The following SH2B3 variants were observed in gnomAD, a reference collection of about 807,000 sequenced individuals.
The protein encoded by SH2B3 is SH2B adaptor protein 3, also known as SH2B adapter protein 3.
Under a neutral mutation model 51.9 loss-of-function variants are expected in SH2B3, and 43 were observed. That is an observed-to-expected ratio of 0.83 (90% confidence interval 0.65 to 1.07). The LOEUF (loss-of-function observed/expected upper bound fraction) is 1.07, where lower values mean the gene tolerates loss of function less well. Ranked by LOEUF, SH2B3 falls within the 50% of genes least tolerant of loss-of-function variation. SH2B3 has a pLI of 0.00. For synonymous variants in SH2B3, 396 were observed against 376.0 expected (o/e 1.05, Z -0.62); for missense variants, 952 against 834.3 (o/e 1.14, Z -1.74).
intron 2 of SH2B3, among the ~76,000 whole-genome samples, chr12:111,423,765 G>A (rs1871757037): frequency 1.3e-5 from 2 of 152,370 alleles, no homozygotes; most frequent in South Asian, 4.1e-4. Context: ...GATTACCTGA[G>A]ATTGGGAGTT....
intron 2 of SH2B3, among the ~76,000 whole-genome samples, chr12:111,437,498 CAGGG>C (rs1219342672): frequency 6.6e-6 from 1 of 152,140 alleles, no homozygotes; most frequent in African/African-American, 2.4e-5. Context: ...ACTGGGCATT[CAGGG>C]CAGCAGGCAG....
chr12:111,441,568 C>T (rs1264454241), intron 2 of SH2B3, among the ~76,000 whole-genome samples: 1 of 152,058 alleles, frequency 6.6e-6, no homozygotes, highest in Non-Finnish European at 1.5e-5. Context: ...TGATGCTGCC[C>T]ACCCCAGAGA....
intron 2 of SH2B3, among the ~76,000 whole-genome samples, chr12:111,444,484 G>C (rs1253494504): frequency 2.6e-5 from 4 of 152,224 alleles, no homozygotes; most frequent in African/African-American, 9.6e-5. Flanking sequence ...ACAGTCTACT[G>C]TTCAAACCAC....
In SH2B3 at chr12:111,429,624, G is replaced by A. The variant is rs923503378; in HGVS notation, c.732+10747G>A. Among the ~76,000 whole-genome samples, 1 of 152,174 alleles carries A rather than the reference G, an allele frequency of 6.6e-6. No individual in the cohort carries two copies. Among genetic ancestry groups the A allele is most frequent in the Non-Finnish European group, 1.5e-5 (1 of 68,030 alleles). On this transcript the variant is annotated intron_variant, in intron 2 of 7. Transcript: ENST00000341259. This position sits in a 1 kb window ranked among gnomAD's most constrained non-coding sequence, Gnocchi z 4.4. ...GCTAGGATTACAGGCGTGAGCTACCGCGCCCGGCCCATTTTTATTAATTGG... is the reference window on the plus strand; with the variant it reads ...GCTAGGATTACAGGCGTGAGCTACCACGCCCGGCCCATTTTTATTAATTGG...
In SH2B3 at chr12:111,406,708, C is replaced by G. The variant is rs529952782; in HGVS notation, c.-28+431C>G. On this transcript the variant is annotated intron_variant, in intron 1 of 7. Transcript: ENST00000341259. This position sits in a 1 kb window ranked among gnomAD's most constrained non-coding sequence, Gnocchi z 5.7. ...GATGAGCCCTTGGGTGTGGGGGCAG[C>G]GGGGGAGGATGCGCCGGCCCCTCCC... Among the ~76,000 whole-genome samples, 1 of 152,158 alleles carries G rather than the reference C, an allele frequency of 6.6e-6. No homozygotes were observed. Among genetic ancestry groups the G allele is most frequent in the South Asian group, 2.1e-4 (1 of 4,832 alleles).
rs1246806620 is a variant in SH2B3 at position 111,448,246 on chromosome 12, G to T, written c.1672G>T (p.Asp558Tyr). The T allele has an allele frequency of 6.2e-7, 1 of 1,614,134 alleles. No individual in the cohort carries two copies. The highest frequency in any genetic ancestry group is 1.3e-5 in the African/African-American group (1 of 75,034). ...NRARDSDYEMDSSSRSHLRAI... is the reference protein window; with the variant it reads ...NRARDSDYEMYSSSRSHLRAI... ...AGCCCGGGACTCGGACTACGAAATG[G>T]ACTCATCCTCCCGGAGCCACCTGCG... Residue 558 changes from aspartate to tyrosine, a missense_variant, in exon 8 of 8, where the codon GAC (aspartate) becomes TAC (tyrosine). Physicochemically the swap from Asp to Tyr is radical, Grantham distance 160. Transcript: ENST00000341259.
At chr12:111,412,375 A>T (rs567358138) in intron 1 of SH2B3, among the ~76,000 whole-genome samples, 434 of 152,286 alleles carry the variant, frequency 2.8e-3, no homozygotes, top group Non-Finnish European at 4.1e-3. Context: ...CAGCCTGAGC[A>T]GCCGCCTCTC....
chr12:111,429,030 GGAGGAGGAGGAGGAGGAA>G lies in SH2B3; in HGVS notation c.732+10171_732+10188del, dbSNP rs1172150649. On this transcript the variant is annotated intron_variant, in intron 2 of 7. Transcript: ENST00000341259. The surrounding 1 kb of genome is among the most constrained non-coding windows in gnomAD (Gnocchi z 4.4). Reference sequence around the variant, plus strand: ...GGCAGGAGTGCGAGGAGGAGGAGGAGGAGGAGGAGGAGGAGGAAGAGGAGGAGGAGGAGGAGGAGGGAC... The same window carrying G: ...GGCAGGAGTGCGAGGAGGAGGAGGAGGAGGAGGAGGAGGAGGAGGAGGGAC... 1.5e-4 allele frequency among the ~76,000 whole-genome samples: 22 copies of G among 148,204 alleles called. No homozygotes were observed. Among genetic ancestry groups the G allele is most frequent in the African/African-American group, 2.7e-4 (11 of 41,212 alleles).
Position 111,405,929 on chromosome 12 carries a change from C to CG in SH2B3, c.-374dup, listed in dbSNP as rs1870202081. ...GCACGGCCGGTTCCTCTTTACATAA[C>CG]GGCGCGGGGCGGCATGGGCCCGGGC... On this transcript the variant is annotated 5_prime_UTR_variant, in exon 1 of 8. Coordinates refer to ENST00000341259, the MANE Select transcript of SH2B3 (RefSeq NM_005475.3). The surrounding 1 kb of genome is among the most constrained non-coding windows in gnomAD (Gnocchi z 5.4). 6.6e-6 allele frequency: 1 copy of CG among 151,770 alleles called. No individual in the cohort carries two copies. The allele number at this position is 151,770 out of a possible 1,614,324, so 9.4% of individuals were successfully genotyped here.
chr12:111,418,714 A>AGCC lies in SH2B3; in HGVS notation c.573_575dup (p.Pro193dup). 6.7e-7 allele frequency: 1 copy of AGCC among 1,485,312 alleles called. No individual in the cohort carries two copies. The highest frequency in any genetic ancestry group is 8.9e-7 in the Non-Finnish European group (1 of 1,125,282). 92.0% of individuals were successfully genotyped at this position (1,485,312 alleles called of 1,614,324 possible). On this transcript the variant is annotated inframe_insertion, in exon 2 of 8. Coordinates refer to ENST00000341259, the MANE Select transcript of SH2B3 (RefSeq NM_005475.3). The surrounding 1 kb of genome is among the most constrained non-coding windows in gnomAD (Gnocchi z 6.7). Reference sequence around the variant, plus strand: ...TTCCTGCCCTGGAGCCTGGCCCGGGAGCCGCCACCCGAGGCGCTGAAGGAG... The same window carrying AGCC: ...TTCCTGCCCTGGAGCCTGGCCCGGGAGCCGCCGCCACCCGAGGCGCTGAAGGAG...
In SH2B3 at chr12:111,407,472, TTG is replaced by T. The variant is rs1870340886; in HGVS notation, c.-28+1199_-28+1200del. ...GGGTCTCCAGGGATGCAGGCGCAGG[TTG>T]TGTCTGGGTTTCCCATCACTGACCT... is the stretch of plus-strand genomic sequence containing the variant. On this transcript the variant is annotated intron_variant, in intron 1 of 7. Coordinates refer to ENST00000341259, the MANE Select transcript of SH2B3 (RefSeq NM_005475.3). The surrounding 1 kb of genome is among the most constrained non-coding windows in gnomAD (Gnocchi z 4.3). Among the ~76,000 whole-genome samples, 1 of 152,156 alleles carries T rather than the reference TTG, an allele frequency of 6.6e-6. No individual in the cohort carries two copies. The highest frequency in any genetic ancestry group is 2.4e-5 in the African/African-American group (1 of 41,438).
In SH2B3 at chr12:111,447,692, C is replaced by A. The variant is rs200907236; in HGVS notation, c.1273C>A (p.Arg425Ser). Reference sequence around the variant, plus strand: ...GTCGCTGACAGAGCGGGGCCAGTGCCGTGTGCAGCACCTCCACTTTCCCTC... The same window carrying A: ...GTCGCTGACAGAGCGGGGCCAGTGCAGTGTGCAGCACCTCCACTTTCCCTC... ...RLSLTERGQC[R>S]VQHLHFPSVV... Residue 425 changes from arginine (R) to serine (S), a missense_variant, in exon 7 of 8, where the codon CGT (arginine) becomes AGT (serine). By Grantham distance (110) the Arg-to-Ser change is moderately radical. Transcript: ENST00000341259. The A allele has an allele frequency of 1.9e-6, 3 of 1,613,640 alleles. No homozygotes were observed. The highest frequency in any genetic ancestry group is 2.5e-6 in the Non-Finnish European group (3 of 1,179,828).
intron 2 of SH2B3, among the ~76,000 whole-genome samples, chr12:111,422,048 A>T (rs534306143): frequency 2.6e-4 from 39 of 152,266 alleles, no homozygotes; most frequent in African/African-American, 8.9e-4. Context: ...TTCCCCACCA[A>T]CACTTGAGCA....
rs887555593 is a variant in SH2B3, at chr12:111,409,478, G to A, written c.-28+3201G>A. 6.6e-6 allele frequency among the ~76,000 whole-genome samples: 1 copy of A among 152,214 alleles called. No individual in the cohort carries two copies. Among genetic ancestry groups the A allele is most frequent in the Non-Finnish European group, 1.5e-5 (1 of 68,032 alleles). ...CAGGGCAGGAAGCCGCTGCCGTCTG[G>A]CAGACCGGAGACGCCTGCCTCGGCG... On this transcript the variant is annotated intron_variant, in intron 1 of 7. Coordinates refer to ENST00000341259, the MANE Select transcript of SH2B3 (RefSeq NM_005475.3). The surrounding 1 kb of genome is among the most constrained non-coding windows in gnomAD (Gnocchi z 4.0).
intron 2 of SH2B3, among the ~76,000 whole-genome samples, chr12:111,430,193 G>A (rs750046674): frequency 3.1e-4 from 47 of 152,346 alleles, no homozygotes; most frequent in South Asian, 2.1e-3. Context: ...TGGGGAAGGC[G>A]GAGGGGGTTG....
Position 111,448,192 on chromosome 12 carries a change from C to T in SH2B3, c.1618C>T (p.Gln540Ter), listed in dbSNP as rs1874236975. The stretch of plus-strand genomic sequence containing the variant: ...GCCCGAAGAACTGGCCAACAGCCTG[C>T]AGCACCTGGAGCATGAGCCTGTGAA... ...PSPEELANSL[Q>*]HLEHEPVNRA... The change falls in exon 8 of 8, where the codon CAG (glutamine) becomes TAG (stop). Residue 540 changes from glutamine to a stop codon, truncating the protein, a stop_gained. Coordinates refer to ENST00000341259, the MANE Select transcript of SH2B3 (RefSeq NM_005475.3). LOFTEE classifies it high-confidence loss of function. 1.2e-6 allele frequency: 2 copies of T among 1,614,172 alleles called. No individual in the cohort carries two copies. Among genetic ancestry groups the T allele is most frequent in the Admixed American group, 1.7e-5 (1 of 60,030 alleles).
chr12:111,440,404 T>A (rs1332944244), intron 2 of SH2B3, among the ~76,000 whole-genome samples: 4 of 152,246 alleles, frequency 2.6e-5, no homozygotes, highest in Admixed American at 6.5e-5. Flanking sequence ...TTTCGTCGTG[T>A]CCTTGATGGT....
intron 2 of SH2B3, among the ~76,000 whole-genome samples, chr12:111,421,637 G>A (rs1250708466): frequency 2.6e-5 from 4 of 151,774 alleles, no homozygotes; most frequent in Non-Finnish European, 4.4e-5. Flanking sequence ...GGCTGGTCTC[G>A]AACTCCTGGG....
At chr12:111,436,455 A>G (rs1483842666) in intron 2 of SH2B3, among the ~76,000 whole-genome samples, 1 of 152,124 alleles carries the variant, frequency 6.6e-6, no homozygotes, top group Non-Finnish European at 1.5e-5. Context: ...TAGCCCCACC[A>G]TAGCCGACTC....
Sources: allele counts gnomAD v4.1 joint callset (sites outside exome capture counted in the v4.1 genomes callset), GRCh38; gene constraint gnomAD v4.1.1; non-coding constraint Gnocchi (gnomAD v3.1); transcripts MANE v1.5; gene names NCBI Gene and HGNC (gene_info 2026-07-23, HGNC 2026-07-21).